The following KCNH5 variants were observed in gnomAD, a reference collection of about 807,000 sequenced individuals.
KCNH5 encodes voltage-gated delayed rectifier potassium channel KCNH5.
Under a neutral mutation model 96.1 loss-of-function variants are expected in KCNH5, and 46 were observed. That is an observed-to-expected ratio of 0.48 (90% confidence interval 0.38 to 0.61). The LOEUF (loss-of-function observed/expected upper bound fraction) is 0.61. Ranked by LOEUF, KCNH5 falls within the 20% of genes least tolerant of loss-of-function variation. The pLI is 0.00. For synonymous variants in KCNH5, 439 were observed against 449.8 expected (o/e 0.98, Z 0.30); for missense variants, 907 against 1,225.8 (o/e 0.74, Z 3.88).
At chr14:62,949,798 C>G in intron 7 of KCNH5, 1 of 211,586 alleles carries the variant, frequency 4.7e-6, no homozygotes, top group South Asian at 6.2e-5. Flanking sequence ...CAGATCCTAT[C>G]TCTTTTTTTT....
chr14:62,914,266 AC>A (rs1889230871), intron 7 of KCNH5, among the ~76,000 whole-genome samples: 1 of 152,156 alleles, frequency 6.6e-6, no homozygotes, highest in African/African-American at 2.4e-5. Flanking sequence ...AGATAGTCTC[AC>A]TCATGTTTAT....
At chr14:63,019,804 C>T (rs746088577) in intron 1 of KCNH5, among the ~76,000 whole-genome samples, 16 of 151,962 alleles carry the variant, frequency 1.1e-4, no homozygotes, top group Non-Finnish European at 1.9e-4. Flanking sequence ...ATATAGCAAT[C>T]ACCATAAAAG....
rs2139597525 is a variant in KCNH5 at position 63,006,458 on chromosome 14, T to C, written c.212A>G (p.Glu71Gly). Residue 71 changes from glutamate to glycine, a missense_variant, in exon 3 of 11, where the codon GAA (glutamate) becomes GGA (glycine). By Grantham distance (98) the Glu-to-Gly change is moderately conservative (BLOSUM62 -2). Around this residue, in one of 6 missense-constraint regions of KCNH5, gnomAD observed 370 missense variants for 561.3 expected, o/e 0.66. Coordinates refer to ENST00000322893, the MANE Select transcript of KCNH5 (RefSeq NM_139318.5). ...CTCAATGGTCTTCTTGTCAGTCAATTCCCCATACATAAAACTGGGGGGGAA... is the reference window on the plus strand; with the variant it reads ...CTCAATGGTCTTCTTGTCAGTCAATCCCCCATACATAAAACTGGGGGGGAA... The part of the protein sequence containing the change: ...KSSTCSFMYG[E>G]LTDKKTIEKV... 1.2e-6 allele frequency: 2 copies of C among 1,606,910 alleles called. No homozygotes were observed. Among genetic ancestry groups the C allele is most frequent in the Non-Finnish European group, 1.7e-6 (2 of 1,174,594 alleles).
At chr14:62,720,916 C>G (rs1884799392) in intron 10 of KCNH5, among the ~76,000 whole-genome samples, 1 of 152,162 alleles carries the variant, frequency 6.6e-6, no homozygotes, top group South Asian at 2.1e-4. Context: ...CACACATGCA[C>G]AGTATGCAAA....
intron 7 of KCNH5, among the ~76,000 whole-genome samples, chr14:62,940,559 C>G (rs980502713): frequency 4.6e-5 from 7 of 152,144 alleles, no homozygotes; most frequent in African/African-American, 1.7e-4. Flanking sequence ...TTTTTGACAT[C>G]TTGGTTCTTT....
At chr14:63,008,456 C>G (rs1196080926) in intron 2 of KCNH5, among the ~76,000 whole-genome samples, 1 of 151,738 alleles carries the variant, frequency 6.6e-6, no homozygotes, top group Non-Finnish European at 1.5e-5. Context: ...CACATTACAA[C>G]CAGAAATTAC....
chr14:62,886,371 C>G (rs557202202), intron 7 of KCNH5, among the ~76,000 whole-genome samples: 4 of 152,282 alleles, frequency 2.6e-5, no homozygotes, highest in African/African-American at 9.6e-5. Flanking sequence ...GCACATAAAA[C>G]TAGCAATAAA....
intron 7 of KCNH5, among the ~76,000 whole-genome samples, chr14:62,903,000 G>C (rs1888958750): frequency 6.6e-6 from 1 of 152,188 alleles, no homozygotes; most frequent in Non-Finnish European, 1.5e-5. Flanking sequence ...TTACAGGCAT[G>C]AGCCACCACG....
At chr14:62,833,865 T>C (rs1222706422) in intron 8 of KCNH5, among the ~76,000 whole-genome samples, 1 of 152,026 alleles carries the variant, frequency 6.6e-6, no homozygotes, top group Non-Finnish European at 1.5e-5. Flanking sequence ...AGAATCATTA[T>C]CTTGTGCCAT....
chr14:62,910,810 T>G (rs926586043), intron 7 of KCNH5, among the ~76,000 whole-genome samples: 1 of 151,988 alleles, frequency 6.6e-6, no homozygotes, highest in South Asian at 2.1e-4. Context: ...TTTCTCAAGA[T>G]GTTCACATGG....
At chr14:62,837,997 T>C (rs1887498843) in intron 8 of KCNH5, among the ~76,000 whole-genome samples, 1 of 152,176 alleles carries the variant, frequency 6.6e-6, no homozygotes, top group South Asian at 2.1e-4. Context: ...CTGCTTCCCA[T>C]TAACTTCTCA....
At chr14:62,743,058 A>G (rs754244651) in intron 10 of KCNH5, among the ~76,000 whole-genome samples, 2 of 152,160 alleles carry the variant, frequency 1.3e-5, no homozygotes, top group South Asian at 2.1e-4. Flanking sequence ...AAAATGGCTC[A>G]ACTACAAGTG....
intron 8 of KCNH5, among the ~76,000 whole-genome samples, chr14:62,814,979 G>A (rs1025827362): frequency 1.3e-5 from 2 of 151,918 alleles, no homozygotes; most frequent in African/African-American, 4.8e-5. Context: ...ACTACAGTGG[G>A]TATAGCATAT....
chr14:62,952,517 G>A (rs1290394165), intron 6 of KCNH5, among the ~76,000 whole-genome samples: 1 of 152,020 alleles, frequency 6.6e-6, no homozygotes, highest in African/African-American at 2.4e-5. Context: ...CGAAATACAT[G>A]AAAAACTCAA....
intron 7 of KCNH5, among the ~76,000 whole-genome samples, chr14:62,873,683 C>T (rs1490752281): frequency 2.0e-5 from 3 of 152,102 alleles, no homozygotes; most frequent in African/African-American, 4.8e-5. Flanking sequence ...ATACAATTCC[C>T]TATCTGTTTA....
chr14:62,958,172 GTTAT>G (rs1326067051), intron 6 of KCNH5, among the ~76,000 whole-genome samples: 3 of 152,148 alleles, frequency 2.0e-5, no homozygotes, highest in African/African-American at 7.2e-5. Flanking sequence ...ATTGTTGGGT[GTTAT>G]TTATCTGTTA....
chr14:62,949,353 A>T (rs1028716821), intron 7 of KCNH5, among the ~76,000 whole-genome samples: 26 of 152,352 alleles, frequency 1.7e-4, no homozygotes, highest in African/African-American at 5.8e-4. Flanking sequence ...AGGTTAGTTT[A>T]GGTGTGGATA....
intron 6 of KCNH5, among the ~76,000 whole-genome samples, chr14:62,959,604 A>G (rs931968946): frequency 6.6e-6 from 1 of 152,100 alleles, no homozygotes; most frequent in African/African-American, 2.4e-5. Flanking sequence ...TGTTTGTCTT[A>G]TAGAGTTTCC....
intron 7 of KCNH5, among the ~76,000 whole-genome samples, chr14:62,920,132 C>T (rs1248513050): frequency 6.6e-6 from 1 of 152,018 alleles, no homozygotes; most frequent in Non-Finnish European, 1.5e-5. Flanking sequence ...GGAGACTGTG[C>T]TCAACCAGCA....
Sources: gnomAD v4.1 joint callset for allele counts (sites outside exome capture counted in the v4.1 genomes callset) on GRCh38, gnomAD v4.1.1 for gene constraint, gnomAD v4.1.1 regional missense constraint, MANE v1.5 for transcripts, NCBI Gene and HGNC (gene_info 2026-07-23, HGNC 2026-07-21) for gene names.